BTRC: variants seen among roughly 807,000 people sequenced by gnomAD.
BTRC encodes beta-transducin repeat containing E3 ubiquitin protein ligase.
BTRC carries 42 observed loss-of-function variants against 85.5 expected under a neutral mutation model. The ratio of observed to expected loss-of-function variants is 0.49; its 90% confidence interval spans 0.38 to 0.64. The LOEUF is 0.64. Ranked by LOEUF, BTRC falls within the 30% of genes least tolerant of loss-of-function variation. The probability of loss-of-function intolerance (pLI) is 0.00; values close to 1 mark genes in which losing one functional copy is unlikely to be tolerated. For synonymous variants in BTRC, 255 were observed against 263.3 expected (o/e 0.97, Z 0.30); for missense variants, 594 against 743.5 (o/e 0.80, Z 2.34).
At chr10:101,389,188 C>T (rs78850901) in intron 1 of BTRC, among the ~76,000 whole-genome samples, 250 of 114,036 alleles carry the variant, frequency 2.2e-3, no homozygotes, top group African/African-American at 8.1e-3. Context: ...CACCATTTAT[C>T]CAGTTACTGA....
At chr10:101,377,243 T>G (rs1942814568) in intron 1 of BTRC, among the ~76,000 whole-genome samples, 1 of 152,226 alleles carries the variant, frequency 6.6e-6, no homozygotes. Context: ...GTTCACGTCT[T>G]ACTATTGTTG....
At chr10:101,459,922 A>G (rs1234077238) in intron 2 of BTRC, among the ~76,000 whole-genome samples, 6 of 152,318 alleles carry the variant, frequency 3.9e-5, no homozygotes, top group Non-Finnish European at 7.3e-5. Flanking sequence ...GTATCAGCCC[A>G]AGTACCTGTA....
chr10:101,420,709 C>G (rs961158631), intron 1 of BTRC, among the ~76,000 whole-genome samples: 3 of 151,970 alleles, frequency 2.0e-5, no homozygotes, highest in African/African-American at 7.3e-5. Flanking sequence ...CGGGAATACC[C>G]TTTTCCTACT....
chr10:101,544,329 T>C (rs2062523734), intron 13 of BTRC, among the ~76,000 whole-genome samples: 1 of 152,234 alleles, frequency 6.6e-6, no homozygotes, highest in Non-Finnish European at 1.5e-5. Context: ...TTCCTTTTGC[T>C]TAAAGAACTT....
chr10:101,542,012 G>A (rs1468717400), intron 13 of BTRC, among the ~76,000 whole-genome samples: 3 of 152,114 alleles, frequency 2.0e-5, no homozygotes, highest in African/African-American at 7.2e-5. Context: ...TTCTTTAAAT[G>A]CTTGATAGAA....
intron 1 of BTRC, among the ~76,000 whole-genome samples, chr10:101,379,568 A>G (rs1942877603): frequency 6.6e-6 from 1 of 152,198 alleles, no homozygotes; most frequent in African/African-American, 2.4e-5. Flanking sequence ...ATAATATACT[A>G]CATATTTTTT....
chr10:101,425,526 C>A (rs1564764371), intron 1 of BTRC, among the ~76,000 whole-genome samples: 1 of 151,564 alleles, frequency 6.6e-6, no homozygotes, highest in Non-Finnish European at 1.5e-5. Context: ...GCTTTTGAGA[C>A]TGCATGTAAG....
intron 3 of BTRC, among the ~76,000 whole-genome samples, chr10:101,466,703 C>T (rs1225552873): frequency 6.6e-6 from 1 of 152,114 alleles, no homozygotes; most frequent in Non-Finnish European, 1.5e-5. Flanking sequence ...CAACACCTTG[C>T]ACGCTGCTGG....
chr10:101,428,964 T>C (rs1352945909), intron 1 of BTRC, among the ~76,000 whole-genome samples: 3 of 152,174 alleles, frequency 2.0e-5, no homozygotes, highest in African/African-American at 7.2e-5. Flanking sequence ...CTTGCATGGC[T>C]CTCATTGTCC....
chr10:101,537,715 C>T (rs928456365), intron 12 of BTRC, among the ~76,000 whole-genome samples: 6 of 152,228 alleles, frequency 3.9e-5, no homozygotes, highest in East Asian at 3.8e-4. Context: ...CTCACTTCTT[C>T]TGCTTTGGGA....
chr10:101,385,306 G>A (rs1413990278), intron 1 of BTRC, among the ~76,000 whole-genome samples: 5 of 148,100 alleles, frequency 3.4e-5, no homozygotes, highest in Non-Finnish European at 7.4e-5. Context: ...GGTGGAGCTT[G>A]CAGTGAGCCG....
chr10:101,531,346 G>T lies in BTRC; in HGVS notation c.840+13G>T. Reference sequence around the variant, plus strand: ...ACAAGACATTGAGGTAAGAATCTATGTATTTTGGGGTATTGCCCAAGGGCA... The same window carrying T: ...ACAAGACATTGAGGTAAGAATCTATTTATTTTGGGGTATTGCCCAAGGGCA... On this transcript the variant is annotated intron_variant, in intron 7 of 14. Transcript: ENST00000370187. 1 of 1,542,842 alleles carries T rather than the reference G, an allele frequency of 6.5e-7. No homozygotes were observed. Among genetic ancestry groups the T allele is most frequent in the Non-Finnish European group, 8.9e-7 (1 of 1,119,144 alleles).
intron 4 of BTRC, among the ~76,000 whole-genome samples, chr10:101,506,088 A>G (rs1414030949): frequency 6.6e-6 from 1 of 151,850 alleles, no homozygotes; most frequent in Non-Finnish European, 1.5e-5. Context: ...TAATTTTTCT[A>G]TTTTTAGTAG....
intron 1 of BTRC, among the ~76,000 whole-genome samples, chr10:101,376,646 T>C (rs1472738543): frequency 6.6e-6 from 1 of 152,208 alleles, no homozygotes; most frequent in African/African-American, 2.4e-5. Context: ...TCATTTATTT[T>C]AAAGATGCTG....
chr10:101,438,631 T>C (rs1459559415), intron 2 of BTRC, among the ~76,000 whole-genome samples: 1 of 152,192 alleles, frequency 6.6e-6, no homozygotes, highest in Admixed American at 6.5e-5. Flanking sequence ...TACTGTTCAT[T>C]GTAGTTTCTA....
chr10:101,532,833 G>T, intron 8 of BTRC, 119 bp from the exon 9 acceptor site: 1 of 756,126 alleles, frequency 1.3e-6, no homozygotes, highest in Non-Finnish European at 2.2e-6. Context: ...TATAGAAAAT[G>T]CATTCCACAC....
intron 4 of BTRC, among the ~76,000 whole-genome samples, chr10:101,505,634 A>AT (rs201731874): frequency 3.6e-4 from 48 of 132,432 alleles, no homozygotes; most frequent in Admixed American, 1.5e-3. Flanking sequence ...AAATAAAAAA[A>AT]AAAAAATAAT....
At chr10:101,416,044 C>T (rs919328145) in intron 1 of BTRC, among the ~76,000 whole-genome samples, 3 of 152,046 alleles carry the variant, frequency 2.0e-5, no homozygotes, top group East Asian at 1.9e-4. Flanking sequence ...ATCACACAGC[C>T]GAGAAATCAC....
At chr10:101,482,586 G>C (rs753537434) in intron 4 of BTRC, among the ~76,000 whole-genome samples, 3 of 151,676 alleles carry the variant, frequency 2.0e-5, no homozygotes, top group Non-Finnish European at 2.9e-5. Context: ...TAGTAGAGAC[G>C]GGGTTTCACC....
Sources: allele counts gnomAD v4.1 joint callset (sites outside exome capture counted in the v4.1 genomes callset), GRCh38; gene constraint gnomAD v4.1.1; transcripts MANE v1.5; gene names NCBI Gene and HGNC (gene_info 2026-07-23, HGNC 2026-07-21).